FOXP4: variants seen among roughly 807,000 people sequenced by gnomAD.
FOXP4 encodes forkhead box P4.
A neutral mutation model predicts 82.6 loss-of-function variants in FOXP4; 25 were observed. The observed-to-expected ratio is 0.30, with a 90% CI of 0.22 to 0.42. The LOEUF (loss-of-function observed/expected upper bound fraction) is 0.42, where lower values mean the gene tolerates loss of function less well. Ranked by LOEUF, FOXP4 falls within the 10% of genes least tolerant of loss-of-function variation. FOXP4 has a pLI of 1.00. For missense variants in FOXP4, 785 were observed against 900.9 expected, an observed-to-expected ratio of 0.87 and a Z score of 1.65; for synonymous variants, 415 against 388.2, an observed-to-expected ratio of 1.07 and a Z score of -0.81.
intron 1 of FOXP4, among the ~76,000 whole-genome samples, chr6:41,560,326 G>A (rs1445445255): frequency 6.6e-6 from 1 of 152,174 alleles, no homozygotes; most frequent in Non-Finnish European, 1.5e-5. Flanking sequence ...TTAGCGCTGG[G>A]GCTAGACACC....
intron 1 of FOXP4, among the ~76,000 whole-genome samples, chr6:41,553,062 G>A (rs906239284): frequency 3.9e-5 from 6 of 152,110 alleles, no homozygotes; most frequent in African/African-American, 1.4e-4. Flanking sequence ...AGGTCTCAAC[G>A]TACACCCTCT....
rs557773386 is a variant in FOXP4 at position 41,547,261 on chromosome 6, C to T, written c.-17+394C>T. On this transcript the variant is annotated intron_variant, in intron 1 of 16. Transcript: ENST00000307972. ...AAGAATCTGGGCCCCGCCCCCTCCC[C>T]GCCGGGCCTCTGGGAATGGGGTGTA... Among the ~76,000 whole-genome samples, 850 of 152,220 alleles carry T rather than the reference C, an allele frequency of 5.6e-3. 6 individuals carry two copies. The highest frequency in any genetic ancestry group is 0.02 in the African/African-American group (814 of 41,542).
At chr6:41,594,772 G>A in intron 13 of FOXP4, 98 bp from the exon 14 acceptor site, 1 of 1,544,484 alleles carries the variant, frequency 6.5e-7, no homozygotes, top group African/African-American at 1.4e-5. Context: ...TGGGGAAGGT[G>A]GGCCGCTGCT....
At chr6:41,580,886 C>T (rs1289474428) in intron 3 of FOXP4, among the ~76,000 whole-genome samples, 1 of 152,244 alleles carries the variant, frequency 6.6e-6, no homozygotes, top group Admixed American at 6.5e-5. Context: ...CAGCCACGTT[C>T]ACCATCCCTC....
At chr6:41,580,321 G>T (rs370277364) in intron 3 of FOXP4, among the ~76,000 whole-genome samples, 2 of 152,116 alleles carry the variant, frequency 1.3e-5, no homozygotes, top group Non-Finnish European at 2.9e-5. Flanking sequence ...GGTGATCTGC[G>T]CGCCTCTGCC....
intron 3 of FOXP4, 77 bp downstream of exon 3, chr6:41,578,158 T>C (rs1765595005): frequency 7.2e-6 from 9 of 1,241,704 alleles, no homozygotes; most frequent in Non-Finnish European, 1.0e-5. Flanking sequence ...CAAGGACCCG[T>C]TGGAGAACTG....
chr6:41,572,469 C>T (rs1285734010), intron 2 of FOXP4, among the ~76,000 whole-genome samples: 4 of 152,180 alleles, frequency 2.6e-5, no homozygotes, highest in Admixed American at 2.6e-4. Context: ...GCTTAATAAC[C>T]ACTCATTAAA....
At chr6:41,551,614 A>AG (rs1764003316) in intron 1 of FOXP4, among the ~76,000 whole-genome samples, 1 of 152,216 alleles carries the variant, frequency 6.6e-6, no homozygotes, top group South Asian at 2.1e-4. Flanking sequence ...TCTGTGACCC[A>AG]GGCTACCATG....
rs1331339366 is a variant in FOXP4 at position 41,600,080 on chromosome 6, A to T, written c.*1144A>T. On this transcript the variant is annotated 3_prime_UTR_variant, in exon 17 of 17. Coordinates refer to ENST00000307972, the MANE Select transcript of FOXP4 (RefSeq NM_001012426.2). ...AAGTTATTGTTTTAAACCAAAGTTT[A>T]CAGTGTCTGTTGGTGGCCAAGACCT... The T allele has an allele frequency of 6.5e-6, 1 of 152,686 alleles. No homozygotes were observed. The highest frequency in any genetic ancestry group is 2.4e-5 in the African/African-American group (1 of 41,424). The allele number at this position is 152,686 out of a possible 1,614,324, so 9.5% of individuals were successfully genotyped here.
rs1287144549 is a variant in FOXP4 at position 41,593,192 on chromosome 6, C to T, written c.1537-1678C>T. On this transcript the variant is annotated intron_variant, in intron 13 of 16. Coordinates refer to ENST00000307972, the MANE Select transcript of FOXP4 (RefSeq NM_001012426.2). The surrounding 1 kb of genome is among the most constrained non-coding windows in gnomAD (Gnocchi z 4.1). Reference sequence around the variant, plus strand: ...TTCCACCTCTACTTTCCACTCATTTCTCAGCCCCTCAGGTCATCTCTGCTC... The same window carrying T: ...TTCCACCTCTACTTTCCACTCATTTTTCAGCCCCTCAGGTCATCTCTGCTC... Among the ~76,000 whole-genome samples the T allele has an allele frequency of 6.6e-6, 1 of 152,256 alleles. No homozygotes were observed. Among genetic ancestry groups the T allele is most frequent in the African/African-American group, 2.4e-5 (1 of 41,474 alleles).
chr6:41,560,860 C>T (rs368744249), intron 1 of FOXP4, among the ~76,000 whole-genome samples: 224 of 152,366 alleles, frequency 1.5e-3, no homozygotes, highest in African/African-American at 5.0e-3. Context: ...CATATGGGCC[C>T]GTGAAAAGGC....
In FOXP4 at chr6:41,577,902, T is replaced by C. The variant is rs1765575262; in HGVS notation, c.205-84T>C. 15 of 979,096 alleles carry C rather than the reference T, an allele frequency of 1.5e-5. No individual in the cohort carries two copies. In the South Asian group the frequency reaches 2.2e-4, roughly 14 times the overall value. 60.7% of individuals were successfully genotyped at this position (979,096 alleles called of 1,614,324 possible). On this transcript the variant is annotated intron_variant, in intron 2 of 16. Transcript: ENST00000307972. Reference sequence around the variant, plus strand: ...ACCTTCCACCTTACCCTGATCTCCTTCTCCTTACTGCCCCAAACACTCCCT... The same window carrying C: ...ACCTTCCACCTTACCCTGATCTCCTCCTCCTTACTGCCCCAAACACTCCCT...
intron 5 of FOXP4, 51 bp downstream of exon 5, chr6:41,585,568 T>A: frequency 6.4e-7 from 1 of 1,555,404 alleles, no homozygotes; most frequent in Non-Finnish European, 8.8e-7. Flanking sequence ...TGCCCAGAGC[T>A]GGGTGTCCAG....
At chr6:41,579,177 C>A (rs989030132) in intron 3 of FOXP4, among the ~76,000 whole-genome samples, 2 of 152,048 alleles carry the variant, frequency 1.3e-5, no homozygotes, top group African/African-American at 4.8e-5. Flanking sequence ...TAACAGTAAC[C>A]CTCTTAAAAT....
rs370843267 is a variant in FOXP4 at position 41,598,792 on chromosome 6, C to A, written c.1899C>A (p.His633Gln). 90 of 1,558,812 alleles carry A rather than the reference C, an allele frequency of 5.8e-5. No homozygotes were observed. Among genetic ancestry groups the A allele is most frequent in the Non-Finnish European group, 7.3e-5 (84 of 1,151,544 alleles). Residue 633 changes from histidine (H) to glutamine (Q), a missense_variant, in exon 17 of 17, where the codon CAC becomes CAA. Physicochemically the swap from His to Gln is conservative, Grantham distance 24. This residue lies in a region of FOXP4 where 184 missense variants were observed against 187.3 expected (regional missense o/e 0.98). Coordinates refer to ENST00000307972, the MANE Select transcript of FOXP4 (RefSeq NM_001012426.2). ...CCATGCCATACTTTTGCCTCAGCCA[C>A]CAGGTGCAGGTGAAGGAGGAGCCAG... ...PPRLSPPQYS[H>Q]QVQVKEEPAE... is the part of the protein sequence containing the mutation.
At chr6:41,551,348 G>T (rs933653927) in intron 1 of FOXP4, among the ~76,000 whole-genome samples, 2 of 152,148 alleles carry the variant, frequency 1.3e-5, no homozygotes, top group Non-Finnish European at 2.9e-5. Flanking sequence ...CTTGATCCTG[G>T]TCCCAGGATC....
In FOXP4 at chr6:41,587,255, G is replaced by A. The variant is rs11758591; in HGVS notation, c.659-44G>A. ...TGTTCTTGGGGCCAGGTAGAAAGCC[G>A]AGTGTTCGTGGGGCCCTGCCAGCCT... On this transcript the variant is annotated intron_variant, in intron 6 of 16. Coordinates refer to ENST00000307972, the MANE Select transcript of FOXP4 (RefSeq NM_001012426.2). The A allele has an allele frequency of 4.4e-6, 7 of 1,608,476 alleles. No homozygotes were observed. The South Asian group carries it at 4.4e-5, about 10-fold the overall frequency.
At chr6:41,589,732 C>T in intron 9 of FOXP4, 39 bp from the exon 10 acceptor site, 1 of 1,598,622 alleles carries the variant, frequency 6.3e-7, no homozygotes, top group Non-Finnish European at 8.5e-7. Flanking sequence ...CTCCAGGGTT[C>T]AGCCTCCCGC....
chr6:41,597,093 G>A (rs2127408085), intron 14 of FOXP4, 83 bp from the exon 15 acceptor site: 1 of 1,434,492 alleles, frequency 7.0e-7, no homozygotes, highest in East Asian at 2.3e-5. Context: ...CCCAGCACAG[G>A]CCGTTACTTA....
Sources: gnomAD v4.1 joint callset for allele counts (sites outside exome capture counted in the v4.1 genomes callset) on GRCh38, gnomAD v4.1.1 for gene constraint, gnomAD v4.1.1 regional missense constraint, Gnocchi (gnomAD v3.1) non-coding constraint, MANE v1.5 for transcripts, NCBI Gene and HGNC (gene_info 2026-07-23, HGNC 2026-07-21) for gene names.